Variants in FBXL20 observed in about 807,000 individuals in gnomAD.
The protein encoded by FBXL20 is F-box and leucine rich repeat protein 20.
In FBXL20, 11 loss-of-function variants were observed where a neutral mutation model predicts 64.0. The observed-to-expected ratio is 0.17, with a 90% confidence interval of 0.11 to 0.28. FBXL20 has a LOEUF of 0.28. Among genes scored for constraint, FBXL20 ranks in the 10% least tolerant of loss-of-function variants. The pLI is 1.00. For missense variants in FBXL20, 303 were observed against 526.2 expected (o/e 0.58, Z 4.15); for synonymous variants, 184 against 189.0 (o/e 0.97, Z 0.22).
intron 1 of FBXL20, among the ~76,000 whole-genome samples, chr17:39,389,441 T>C (rs1466913842): frequency 6.6e-6 from 1 of 152,168 alleles, no homozygotes; most frequent in African/African-American, 2.4e-5. Context: ...GGAAAGGGTA[T>C]TGGCAATGCA....
intron 1 of FBXL20, among the ~76,000 whole-genome samples, chr17:39,392,451 A>AAAAAG (rs2048143683): frequency 6.6e-6 from 1 of 151,856 alleles, no homozygotes; most frequent in Non-Finnish European, 1.5e-5. Context: ...AAAAAAAAAA[A>AAAAAG]AAAAGAAAAG....
rs1009467867 is a variant in FBXL20, at chr17:39,294,466, G to T, written c.398+2661C>A. Among the ~76,000 whole-genome samples the T allele has an allele frequency of 3.3e-5, 5 of 151,386 alleles. No homozygotes were observed. In the East Asian group the frequency reaches 9.8e-4, roughly 30 times the overall value. ...GGCTAATTTTTTGTATTTTTTTGTAGAGGTGGGGTTTCTCATGTTGCCGAG... is the reference window on the plus strand; with the variant it reads ...GGCTAATTTTTTGTATTTTTTTGTATAGGTGGGGTTTCTCATGTTGCCGAG... On this transcript the variant is annotated intron_variant, in intron 6 of 14. Coordinates refer to ENST00000264658, the MANE Select transcript of FBXL20 (RefSeq NM_032875.3).
intron 1 of FBXL20, among the ~76,000 whole-genome samples, chr17:39,392,396 C>G (rs947823647): frequency 6.8e-6 from 1 of 146,184 alleles, no homozygotes; most frequent in South Asian, 2.2e-4. Flanking sequence ...GCGAAGATCA[C>G]ACCACCGAAT....
At chr17:39,317,625 AG>A (rs1292002490) in intron 2 of FBXL20, among the ~76,000 whole-genome samples, 1 of 152,022 alleles carries the variant, frequency 6.6e-6, no homozygotes, top group Non-Finnish European at 1.5e-5. Context: ...CAGGGCATCC[AG>A]AAAGGCCCCA....
At chr17:39,395,048 T>A (rs1296238538) in intron 1 of FBXL20, among the ~76,000 whole-genome samples, 8 of 152,298 alleles carry the variant, frequency 5.3e-5, no homozygotes, top group Admixed American at 2.0e-4. Context: ...TGGATTTTTT[T>A]AAAATTAGGA....
chr17:39,319,673 C>CAA (rs71300077), intron 2 of FBXL20, among the ~76,000 whole-genome samples: 608 of 47,242 alleles, frequency 0.013, 17 homozygotes, highest in African/African-American at 0.021. Flanking sequence ...GACTCCATAT[C>CAA]AAAAAAAAAA....
intron 2 of FBXL20, among the ~76,000 whole-genome samples, chr17:39,329,296 C>T (rs544479837): frequency 7.2e-5 from 11 of 152,162 alleles, no homozygotes; most frequent in African/African-American, 2.4e-4. Flanking sequence ...TAATGAAGGA[C>T]ATTCTACAAA....
intron 1 of FBXL20, among the ~76,000 whole-genome samples, chr17:39,390,710 G>A (rs1461995729): frequency 1.3e-5 from 2 of 152,158 alleles, no homozygotes; most frequent in East Asian, 1.9e-4. Context: ...CTGGGTGATA[G>A]ATCAAGACCC....
chr17:39,369,415 G>A (rs2144631936), intron 1 of FBXL20, among the ~76,000 whole-genome samples: 1 of 151,892 alleles, frequency 6.6e-6, no homozygotes, highest in South Asian at 2.1e-4. Context: ...ACACTACCAG[G>A]CCCAGGTAAT....
intron 1 of FBXL20, among the ~76,000 whole-genome samples, chr17:39,352,031 TTG>T (rs889228698): frequency 2.0e-4 from 31 of 152,234 alleles, no homozygotes; most frequent in East Asian, 3.9e-4. Context: ...ATTAAGCAGC[TTG>T]TGTGTGTGTG....
intron 2 of FBXL20, among the ~76,000 whole-genome samples, chr17:39,316,185 G>A (rs117671925): frequency 6.6e-6 from 1 of 152,072 alleles, no homozygotes; most frequent in East Asian, 1.9e-4. Context: ...ATGCAGTGTT[G>A]GATTGGAATT....
intron 5 of FBXL20, chr17:39,297,604 T>C (rs2047098030): frequency 1.3e-5 from 2 of 159,020 alleles, no homozygotes; most frequent in South Asian, 3.6e-4. Context: ...AGGAAGGTAG[T>C]ACACCCCAAC....
intron 2 of FBXL20, among the ~76,000 whole-genome samples, chr17:39,316,059 G>A (rs191322320): frequency 9.1e-4 from 139 of 152,076 alleles, no homozygotes; most frequent in African/African-American, 3.1e-3. Flanking sequence ...AGTCTAGCCC[G>A]GTTAACAGAG....
At chr17:39,344,379 A>G (rs965324359) in intron 1 of FBXL20, among the ~76,000 whole-genome samples, 2 of 151,934 alleles carry the variant, frequency 1.3e-5, no homozygotes, top group African/African-American at 4.8e-5. Flanking sequence ...TTTACTGCTC[A>G]GCTCACATCA....
In FBXL20 at chr17:39,261,278, G is replaced by C. The variant is rs1285850457; in HGVS notation, c.*182C>G. 1.8e-6 allele frequency: 1 copy of C among 549,622 alleles called. No homozygotes were observed. Among genetic ancestry groups the C allele is most frequent in the Admixed American group, 3.2e-5 (1 of 30,982 alleles). 34.0% of individuals were successfully genotyped at this position (549,622 alleles called of 1,614,324 possible). A position where few individuals can be genotyped will look rare whatever the true frequency, so the allele number is the denominator to read the frequency against. ...CTTCAGTCCCATGGTCACAAAGCTA[G>C]AGTGGATGGGGGTAAGGGTGTGTAT... On this transcript the variant is annotated 3_prime_UTR_variant, in exon 15 of 15. Transcript: ENST00000264658.
At chr17:39,402,125 G>T, upstream of FBXL20, 1 of 1,229,036 alleles carries the variant, frequency 8.1e-7, no homozygotes, top group Non-Finnish European at 1.0e-6. Context: ...ATCCTGTAAG[G>T]CACCCGCATC....
chr17:39,382,257 C>T (rs1270479076), intron 1 of FBXL20, among the ~76,000 whole-genome samples: 2 of 151,952 alleles, frequency 1.3e-5, no homozygotes, highest in African/African-American at 4.8e-5. Context: ...TCCTGGCTAA[C>T]ACGGTGAAAC....
At chr17:39,347,611 T>C (rs1169660162) in intron 1 of FBXL20, among the ~76,000 whole-genome samples, 1 of 152,228 alleles carries the variant, frequency 6.6e-6, no homozygotes, top group Admixed American at 6.5e-5. Context: ...GATGGGAAGA[T>C]TGTAAAAATT....
chr17:39,388,864 G>A (rs2048108851), intron 1 of FBXL20, among the ~76,000 whole-genome samples: 3 of 150,184 alleles, frequency 2.0e-5, no homozygotes, highest in South Asian at 2.1e-4. Flanking sequence ...CACTTTGGGA[G>A]GCTGAGGTGG....
Sources: allele counts gnomAD v4.1 joint callset (sites outside exome capture counted in the v4.1 genomes callset), GRCh38; gene constraint gnomAD v4.1.1; transcripts MANE v1.5; gene names NCBI Gene and HGNC (gene_info 2026-07-23, HGNC 2026-07-21).